Variants in EYS observed in about 807,000 individuals in gnomAD.
EYS encodes protein eyes shut homolog.
EYS carries 250 observed loss-of-function variants against 282.1 expected under a neutral mutation model. The observed-to-expected ratio is 0.89, with a 90% CI of 0.80 to 0.98. EYS has a LOEUF of 0.98. Ranked by LOEUF, EYS falls within the 50% of genes least tolerant of loss-of-function variation. The pLI is 0.00. For missense variants in EYS, 4,016 were observed against 3,709.0 expected (o/e 1.08, Z -2.15); for synonymous variants, 1,355 against 1,282.9 (o/e 1.06, Z -1.20).
chr6:65,479,565 T>G (rs888103136), intron 5 of EYS, among the ~76,000 whole-genome samples: 4 of 152,126 alleles, frequency 2.6e-5, no homozygotes, highest in African/African-American at 9.7e-5. Flanking sequence ...TATGATAAGA[T>G]CTCAAGCAAA....
chr6:64,239,753 G>T (rs1766735180), intron 30 of EYS, among the ~76,000 whole-genome samples: 1 of 152,068 alleles, frequency 6.6e-6, no homozygotes, highest in Non-Finnish European at 1.5e-5. Context: ...AAGCTCTTTA[G>T]TTTAATCAAA....
intron 33 of EYS, among the ~76,000 whole-genome samples, chr6:64,001,837 A>T (rs1357934777): frequency 6.6e-6 from 1 of 152,238 alleles, no homozygotes; most frequent in Non-Finnish European, 1.5e-5. Flanking sequence ...TAATATCAAC[A>T]GTGGCTATCT....
chr6:64,388,225 G>A (rs1298595085), intron 29 of EYS, among the ~76,000 whole-genome samples: 1 of 151,994 alleles, frequency 6.6e-6, no homozygotes, highest in Non-Finnish European at 1.5e-5. Flanking sequence ...TTAAAGAGTG[G>A]GCTGGCATGT....
At chr6:64,686,775 A>ATATATATATATATGTG (rs1770130258) in intron 22 of EYS, among the ~76,000 whole-genome samples, 1 of 7,064 alleles carries the variant, frequency 1.4e-4, no homozygotes, top group East Asian at 4.9e-3. Flanking sequence ...GTGTATATAT[A>ATATATATATATATGTG]TATATATATA....
intron 26 of EYS, among the ~76,000 whole-genome samples, chr6:64,583,302 C>G (rs535616330): frequency 6.6e-6 from 1 of 150,638 alleles, no homozygotes; most frequent in South Asian, 2.1e-4. Flanking sequence ...AAACATTATT[C>G]AAAAAAAACC....
chr6:65,120,545 C>A (rs1024334807), intron 12 of EYS, among the ~76,000 whole-genome samples: 7 of 148,234 alleles, frequency 4.7e-5, no homozygotes, highest in African/African-American at 1.8e-4. Context: ...CACTTTAATG[C>A]AAACCATGTG....
intron 22 of EYS, among the ~76,000 whole-genome samples, chr6:64,770,151 C>T (rs545352344): frequency 1.1e-3 from 171 of 151,942 alleles, no homozygotes; most frequent in African/African-American, 4.0e-3. Context: ...GTAGGAAAGC[C>T]TACCACTGAA....
At chr6:65,389,445 G>A (rs1283702359) in intron 7 of EYS, among the ~76,000 whole-genome samples, 3 of 152,048 alleles carry the variant, frequency 2.0e-5, no homozygotes, top group Non-Finnish European at 2.9e-5. Context: ...TCAAATCTCC[G>A]CCAAAATATT....
intron 34 of EYS, among the ~76,000 whole-genome samples, chr6:63,987,477 A>G (rs1767421406): frequency 6.6e-6 from 1 of 151,732 alleles, no homozygotes; most frequent in Non-Finnish European, 1.5e-5. Flanking sequence ...ACCCTCAGCA[A>G]CATATATAAT....
chr6:64,925,901 G>T (rs1324981533), intron 15 of EYS, among the ~76,000 whole-genome samples: 1 of 152,130 alleles, frequency 6.6e-6, no homozygotes, highest in Non-Finnish European at 1.5e-5. Context: ...TTCGGAGTCA[G>T]TTCTCGGGTC....
chr6:64,904,523 A>G (rs555415796), intron 16 of EYS, among the ~76,000 whole-genome samples: 54 of 152,306 alleles, frequency 3.5e-4, no homozygotes, highest in African/African-American at 1.2e-3. Context: ...TATTTTCAAA[A>G]GATGTTTAAT....
intron 2 of EYS, among the ~76,000 whole-genome samples, chr6:65,571,383 T>A (rs1342694904): frequency 6.6e-6 from 1 of 152,028 alleles, no homozygotes; most frequent in Non-Finnish European, 1.5e-5. Context: ...TCTCCATAGA[T>A]AAAATTACCT....
At chr6:64,920,133 C>G (rs1768293128) in intron 15 of EYS, among the ~76,000 whole-genome samples, 1 of 151,416 alleles carries the variant, frequency 6.6e-6, no homozygotes, top group Admixed American at 6.6e-5. Flanking sequence ...GGGTATTTTA[C>G]CACTTGGATG....
rs143060699 is a variant in EYS at position 64,202,611 on chromosome 6, C to T, written c.6424+27981G>A. Among the ~76,000 whole-genome samples, 385 of 152,188 alleles carry T rather than the reference C, an allele frequency of 2.5e-3. 1 individual carries two copies. The highest frequency in any genetic ancestry group is 8.8e-3 in the African/African-American group (367 of 41,524). On this transcript the variant is annotated intron_variant, in intron 31 of 42. Transcript: ENST00000503581. Reference sequence around the variant, plus strand: ...TTTGTAATGGGTTGAATTTGTGGCCCATCAAAATGTATATATCTACCTGGA... The same window carrying T: ...TTTGTAATGGGTTGAATTTGTGGCCTATCAAAATGTATATATCTACCTGGA...
At chr6:64,328,024 T>C (rs1770494780) in intron 29 of EYS, among the ~76,000 whole-genome samples, 1 of 152,178 alleles carries the variant, frequency 6.6e-6, no homozygotes, top group Non-Finnish European at 1.5e-5. Flanking sequence ...GGAACAAATT[T>C]ATTTGAATGC....
At chr6:65,348,966 T>C (rs1582170633) in intron 9 of EYS, among the ~76,000 whole-genome samples, 1 of 151,728 alleles carries the variant, frequency 6.6e-6, no homozygotes, top group East Asian at 1.9e-4. Flanking sequence ...CATTCTCTAA[T>C]ATTTTTATAC....
chr6:64,002,918 A>C (rs928944172), intron 33 of EYS, among the ~76,000 whole-genome samples: 4 of 152,138 alleles, frequency 2.6e-5, no homozygotes, highest in Admixed American at 1.3e-4. Flanking sequence ...TTTTAATCTT[A>C]TCTCTTAAGA....
At chr6:65,199,826 T>C (rs1765855899) in intron 12 of EYS, among the ~76,000 whole-genome samples, 1 of 152,078 alleles carries the variant, frequency 6.6e-6, no homozygotes, top group Non-Finnish European at 1.5e-5. Flanking sequence ...AGTCATCATT[T>C]GAAAGGCACC....
intron 35 of EYS, among the ~76,000 whole-genome samples, chr6:63,930,674 T>A (rs1049648922): frequency 6.6e-6 from 1 of 152,180 alleles, no homozygotes; most frequent in African/African-American, 2.4e-5. Context: ...ATGTCAAAAC[T>A]TCATCATGGG....
Sources: gnomAD v4.1 joint callset for allele counts (sites outside exome capture counted in the v4.1 genomes callset) on GRCh38, gnomAD v4.1.1 for gene constraint, MANE v1.5 for transcripts, NCBI Gene and HGNC (gene_info 2026-07-23, HGNC 2026-07-21) for gene names.